RGS7: variants seen among roughly 807,000 people sequenced by gnomAD.
RGS7 encodes the protein regulator of G-protein signaling 7.
RGS7 carries 27 observed loss-of-function variants against 81.1 expected under a neutral mutation model. That is an observed-to-expected ratio of 0.33 (90% CI 0.25 to 0.46). The LOEUF (loss-of-function observed/expected upper bound fraction) is 0.46. RGS7 is among the 20% of genes least tolerant of loss of function. The probability of loss-of-function intolerance (pLI) is 1.00; values close to 1 mark genes in which losing one functional copy is unlikely to be tolerated. For synonymous variants in RGS7, 208 were observed against 207.7 expected (o/e 1.00, Z -0.01); for missense variants, 396 against 607.4 (o/e 0.65, Z 3.66).
At chr1:241,231,940 G>T (rs1478870117) in intron 2 of RGS7, among the ~76,000 whole-genome samples, 4 of 152,114 alleles carry the variant, frequency 2.6e-5, no homozygotes, top group Non-Finnish European at 5.9e-5. Context: ...TTTTCTTTTA[G>T]ACGTTTTATA....
At chr1:241,287,141 T>C (rs1221213694) in intron 2 of RGS7, among the ~76,000 whole-genome samples, 1 of 152,198 alleles carries the variant, frequency 6.6e-6, no homozygotes, top group Admixed American at 6.5e-5. Context: ...CCCTTTAACA[T>C]AATGAACTTC....
At position 240,883,990 on chromosome 1, in the gene RGS7, C is replaced by T. The variant is rs969586294; in HGVS notation, c.386-13871G>A. Among the ~76,000 whole-genome samples the T allele has an allele frequency of 2.8e-5, 4 of 144,184 alleles. No homozygotes were observed. In the East Asian group the frequency reaches 6.4e-4, roughly 23 times the overall value. The allele number at this position is 144,184 out of a possible 152,430, so 94.6% of individuals were successfully genotyped here. On this transcript the variant is annotated intron_variant, in intron 6 of 18. Transcript: ENST00000440928. ...ACTCGGGAGGCTGAGGCAGGAGAAT[C>T]GCTCGAACCTGGGAGGCAGAGGTTG...
At chr1:240,944,638 A>G (rs983156175) in intron 4 of RGS7, among the ~76,000 whole-genome samples, 5 of 152,002 alleles carry the variant, frequency 3.3e-5, no homozygotes, top group African/African-American at 9.7e-5. Context: ...AAATCATGGG[A>G]AAAAAAGGCT....
At chr1:241,113,119 T>C (rs977300858) in intron 2 of RGS7, among the ~76,000 whole-genome samples, 5 of 152,202 alleles carry the variant, frequency 3.3e-5, no homozygotes, top group Admixed American at 6.5e-5. Flanking sequence ...ATATAACTTC[T>C]AGTCCAATAA....
chr1:240,950,858 T>C (rs1035178593), intron 4 of RGS7, among the ~76,000 whole-genome samples: 1 of 152,002 alleles, frequency 6.6e-6, no homozygotes, highest in Non-Finnish European at 1.5e-5. Context: ...AACCATAAAT[T>C]AGCACACTAA....
chr1:241,227,344 C>G (rs1053612198), intron 2 of RGS7, among the ~76,000 whole-genome samples: 2 of 152,058 alleles, frequency 1.3e-5, no homozygotes, highest in African/African-American at 4.8e-5. Context: ...TGGAATCCAT[C>G]TACAGGTAAA....
chr1:241,056,527 C>T (rs2061488351), intron 3 of RGS7, among the ~76,000 whole-genome samples: 1 of 152,196 alleles, frequency 6.6e-6, no homozygotes, highest in Non-Finnish European at 1.5e-5. Flanking sequence ...GTTTATCACA[C>T]AACAGGTGCT....
chr1:241,330,883 A>T (rs2081941049), intron 2 of RGS7, among the ~76,000 whole-genome samples: 1 of 152,222 alleles, frequency 6.6e-6, no homozygotes, highest in Non-Finnish European at 1.5e-5. Flanking sequence ...CCACAGCATT[A>T]TGCAATATAC....
chr1:241,140,017 G>A (rs2067817943), intron 2 of RGS7, among the ~76,000 whole-genome samples: 2 of 152,142 alleles, frequency 1.3e-5, no homozygotes, highest in South Asian at 4.1e-4. Flanking sequence ...CCCTGCAGAG[G>A]AAGAGCCTGC....
At chr1:240,819,007 T>C (rs776002758) in intron 10 of RGS7, among the ~76,000 whole-genome samples, 4 of 152,208 alleles carry the variant, frequency 2.6e-5, no homozygotes, top group Admixed American at 6.5e-5. Flanking sequence ...CATTCCATGG[T>C]ATATATGTTT....
At chr1:241,113,396 G>C (rs2065666909) in intron 2 of RGS7, among the ~76,000 whole-genome samples, 1 of 152,144 alleles carries the variant, frequency 6.6e-6, no homozygotes, top group South Asian at 2.1e-4. Context: ...AGACACCTAG[G>C]TAGTTTGAAA....
At chr1:241,171,375 C>T (rs1261952590) in intron 2 of RGS7, among the ~76,000 whole-genome samples, 1 of 152,252 alleles carries the variant, frequency 6.6e-6, no homozygotes, top group East Asian at 1.9e-4. Flanking sequence ...TCCATTGTGC[C>T]ACTGAAGCAA....
chr1:241,289,051 G>A (rs2078964726), intron 2 of RGS7, among the ~76,000 whole-genome samples: 1 of 152,140 alleles, frequency 6.6e-6, no homozygotes, highest in Admixed American at 6.5e-5. Context: ...TGCTGTTTTG[G>A]CTGTACAAGG....
chr1:240,837,386 G>A (rs1694892780), intron 9 of RGS7, among the ~76,000 whole-genome samples: 1 of 152,192 alleles, frequency 6.6e-6, no homozygotes, highest in Non-Finnish European at 1.5e-5. Context: ...GAGAAAAAAA[G>A]TCTCTCTTAG....
chr1:240,875,238 A>G (rs1665191675), intron 6 of RGS7, among the ~76,000 whole-genome samples: 1 of 152,096 alleles, frequency 6.6e-6, no homozygotes, highest in African/African-American at 2.4e-5. Flanking sequence ...TTTTGCTTCT[A>G]TGAGATAAAC....
At chr1:241,219,680 C>T (rs1380721271) in intron 2 of RGS7, among the ~76,000 whole-genome samples, 2 of 152,118 alleles carry the variant, frequency 1.3e-5, no homozygotes, top group East Asian at 3.9e-4. Flanking sequence ...AACATACCAC[C>T]TTTGTATGTT....
chr1:241,353,086 C>A (rs1455347396), intron 2 of RGS7, among the ~76,000 whole-genome samples: 1 of 152,220 alleles, frequency 6.6e-6, no homozygotes, highest in Non-Finnish European at 1.5e-5. Context: ...ACAGCAATTT[C>A]TCTATCCTTT....
At chr1:240,936,354 A>G (rs1316463368) in intron 5 of RGS7, among the ~76,000 whole-genome samples, 1 of 152,248 alleles carries the variant, frequency 6.6e-6, no homozygotes, top group African/African-American at 2.4e-5. Flanking sequence ...TAAGCTTTTC[A>G]TATAAAATAG....
chr1:241,172,218 T>C (rs2070783261), intron 2 of RGS7, among the ~76,000 whole-genome samples: 2 of 146,576 alleles, frequency 1.4e-5, no homozygotes, highest in South Asian at 4.4e-4. Context: ...TTCTGCCAAG[T>C]TATTCTTTTT....
Sources: gnomAD v4.1 joint callset for allele counts (sites outside exome capture counted in the v4.1 genomes callset) on GRCh38, gnomAD v4.1.1 for gene constraint, MANE v1.5 for transcripts, NCBI Gene and HGNC (gene_info 2026-07-23, HGNC 2026-07-21) for gene names.